Variants in DDX10 observed in about 807,000 individuals in gnomAD.
DDX10 encodes DEAD-box helicase 10, also known as probable ATP-dependent RNA helicase DDX10.
In DDX10, 74 loss-of-function variants were observed where a neutral mutation model predicts 104.3. That is an observed-to-expected ratio of 0.71 (90% CI 0.59 to 0.86). The LOEUF (loss-of-function observed/expected upper bound fraction) is 0.86. Ranked by LOEUF, DDX10 falls within the 40% of genes least tolerant of loss-of-function variation. The probability of loss-of-function intolerance (pLI) is 0.00; values close to 1 mark genes in which losing one functional copy is unlikely to be tolerated. For synonymous variants in DDX10, 351 were observed against 353.4 expected (o/e 0.99, Z 0.08); for missense variants, 952 against 1,040.0 (o/e 0.92, Z 1.16).
At chr11:108,813,075 A>G (rs1667554150) in intron 13 of DDX10, among the ~76,000 whole-genome samples, 1 of 151,978 alleles carries the variant, frequency 6.6e-6, no homozygotes, top group Admixed American at 6.6e-5. Context: ...TGTTTTTGAA[A>G]ACAGAAACAA....
intron 17 of DDX10, among the ~76,000 whole-genome samples, chr11:108,931,115 C>G (rs1476059027): frequency 6.6e-6 from 1 of 152,134 alleles, no homozygotes; most frequent in African/African-American, 2.4e-5. Flanking sequence ...ACCCTGTACT[C>G]CAGCCTGGGC....
At chr11:108,727,391 A>G (rs963461569) in intron 13 of DDX10, among the ~76,000 whole-genome samples, 3 of 151,898 alleles carry the variant, frequency 2.0e-5, no homozygotes, top group Non-Finnish European at 4.4e-5. Flanking sequence ...TTTCCTGTTG[A>G]TTCGTAAGAT....
intron 1 of DDX10, among the ~76,000 whole-genome samples, chr11:108,670,825 G>T (rs2094215999): frequency 6.6e-6 from 1 of 151,822 alleles, no homozygotes. Context: ...TCAAAATTTG[G>T]TCTGGTGTAG....
chr11:108,674,749 AG>A (rs1324790399), intron 2 of DDX10, among the ~76,000 whole-genome samples: 1 of 152,166 alleles, frequency 6.6e-6, no homozygotes, highest in Non-Finnish European at 1.5e-5. Flanking sequence ...CTGAACTTTA[AG>A]GAATCTGCCT....
intron 13 of DDX10, among the ~76,000 whole-genome samples, chr11:108,811,638 TA>T: frequency 6.6e-6 from 1 of 152,348 alleles, no homozygotes; most frequent in Non-Finnish European, 1.5e-5. Context: ...AACATAATGT[TA>T]TAACCTTAGA....
chr11:108,882,823 T>C (rs1304388317), intron 16 of DDX10, among the ~76,000 whole-genome samples: 1 of 152,230 alleles, frequency 6.6e-6, no homozygotes, highest in Non-Finnish European at 1.5e-5. Flanking sequence ...CACGATACTA[T>C]GCTTTTTGCT....
At chr11:108,740,024 G>A (rs1488079213) in intron 13 of DDX10, among the ~76,000 whole-genome samples, 8 of 148,638 alleles carry the variant, frequency 5.4e-5, no homozygotes, top group African/African-American at 2.0e-4. Flanking sequence ...TATATGTGCA[G>A]ATTTGTTATA....
At chr11:108,729,609 T>C (rs184372217) in intron 13 of DDX10, among the ~76,000 whole-genome samples, 4 of 151,786 alleles carry the variant, frequency 2.6e-5, no homozygotes, top group East Asian at 1.9e-4. Context: ...ATTAAACATA[T>C]GATGCCTGAC....
In DDX10 at chr11:108,727,955, T is replaced by G. The variant is rs74480611; in HGVS notation, c.1965+4493T>G. 9.7e-3 allele frequency among the ~76,000 whole-genome samples: 1,468 copies of G among 152,100 alleles called. 17 individuals are homozygous for G. The highest frequency in any genetic ancestry group is 0.033 in the African/African-American group (1,372 of 41,482). On this transcript the variant is annotated intron_variant, in intron 13 of 17. Transcript: ENST00000322536. Reference sequence around the variant, plus strand: ...TTTTATGCTGTGACAAGGGCATGGTTAAAGATGAGTGAAAACATGATCCTT... The same window carrying G: ...TTTTATGCTGTGACAAGGGCATGGTGAAAGATGAGTGAAAACATGATCCTT...
chr11:108,831,610 A>C (rs1383473891), intron 13 of DDX10, among the ~76,000 whole-genome samples: 1 of 152,086 alleles, frequency 6.6e-6, no homozygotes. Context: ...ACTTTAAGGA[A>C]ACATAAAAAT....
chr11:108,785,402 ATTG>A (rs71476029), intron 13 of DDX10, among the ~76,000 whole-genome samples: 10,225 of 146,232 alleles, frequency 0.07, 390 homozygotes, highest in Middle Eastern at 0.13. Flanking sequence ...TGTTGTTGTT[ATTG>A]TTGTTGTTGT....
At chr11:108,761,977 G>C (rs563128365) in intron 13 of DDX10, among the ~76,000 whole-genome samples, 107 of 152,146 alleles carry the variant, frequency 7.0e-4, no homozygotes, top group Non-Finnish European at 1.3e-3. Flanking sequence ...TTGAGTTACT[G>C]CCCTCATTAA....
chr11:108,891,754 A>C (rs77285412), intron 16 of DDX10, among the ~76,000 whole-genome samples: 4,751 of 152,120 alleles, frequency 0.031, 258 homozygotes, highest in African/African-American at 0.11. Flanking sequence ...CTGATCACCC[A>C]TTGTTGTCAT....
At chr11:108,700,686 C>T (rs531790676) in intron 9 of DDX10, among the ~76,000 whole-genome samples, 6 of 152,288 alleles carry the variant, frequency 3.9e-5, no homozygotes, top group African/African-American at 1.2e-4. Flanking sequence ...TTGAATTGGA[C>T]TTTGTCACTA....
intron 9 of DDX10, among the ~76,000 whole-genome samples, chr11:108,704,520 T>TG (rs1241341441): frequency 6.6e-6 from 1 of 152,178 alleles, no homozygotes; most frequent in Non-Finnish European, 1.5e-5. Context: ...CTTTCCTTGG[T>TG]GGAGTGTGAG....
At chr11:108,899,181 A>G (rs1053380691) in intron 16 of DDX10, among the ~76,000 whole-genome samples, 3 of 150,970 alleles carry the variant, frequency 2.0e-5, no homozygotes, top group African/African-American at 7.3e-5. Context: ...GTCTATATCA[A>G]TCCCTTTTCT....
chr11:108,830,547 T>G lies in DDX10; in HGVS notation c.1966-7899T>G, dbSNP rs564806195. Among the ~76,000 whole-genome samples the G allele has an allele frequency of 7.2e-5, 11 of 152,266 alleles. No homozygotes were observed. In the South Asian group the frequency reaches 2.3e-3, roughly 32 times the overall value. On this transcript the variant is annotated intron_variant, in intron 13 of 17. Coordinates refer to ENST00000322536, the MANE Select transcript of DDX10 (RefSeq NM_004398.4). ...TTTGGTTTCCCTTTATTTCTTTCTC[T>G]TGTCTCATTGCTCTGGCTAAGACTT...
chr11:108,732,298 A>G (rs2094313284), intron 13 of DDX10, among the ~76,000 whole-genome samples: 1 of 152,202 alleles, frequency 6.6e-6, no homozygotes, highest in South Asian at 2.1e-4. Flanking sequence ...TGACTTGTCC[A>G]AGGTCACAGT....
chr11:108,724,972 A>G (rs1591801922), intron 13 of DDX10, among the ~76,000 whole-genome samples: 1 of 152,056 alleles, frequency 6.6e-6, no homozygotes, highest in East Asian at 1.9e-4. Context: ...CATCACCCCA[A>G]AACATTTCTT....
Sources: allele counts gnomAD v4.1 joint callset (sites outside exome capture counted in the v4.1 genomes callset), GRCh38; gene constraint gnomAD v4.1.1; transcripts MANE v1.5; gene names NCBI Gene and HGNC (gene_info 2026-07-23, HGNC 2026-07-21).